ADAM23: variants seen among roughly 807,000 people sequenced by gnomAD.
ADAM23 encodes the protein ADAM metallopeptidase domain 23.
In ADAM23, 33 loss-of-function variants were observed where a neutral mutation model predicts 120.1. The ratio of observed to expected loss-of-function variants is 0.27; its 90% CI spans 0.21 to 0.37. The LOEUF (loss-of-function observed/expected upper bound fraction) is 0.37, where lower values mean the gene tolerates loss of function less well. ADAM23 is among the 10% of genes least tolerant of loss of function. The probability of loss-of-function intolerance (pLI) is 1.00; values close to 1 mark genes in which losing one functional copy is unlikely to be tolerated. For synonymous variants in ADAM23, 367 were observed against 375.2 expected, an observed-to-expected ratio of 0.98 and a Z score of 0.25; for missense variants, 862 against 1,058.2, an observed-to-expected ratio of 0.81 and a Z score of 2.57.
chr2:206,533,826 A>C (rs981527407), intron 4 of ADAM23, among the ~76,000 whole-genome samples: 2 of 152,324 alleles, frequency 1.3e-5, no homozygotes, highest in South Asian at 4.1e-4. Context: ...TAGGAGCTCG[A>C]GAGGTCCAAA....
intron 18 of ADAM23, among the ~76,000 whole-genome samples, chr2:206,586,973 G>A (rs754314734): frequency 2.0e-4 from 31 of 152,148 alleles, no homozygotes; most frequent in Non-Finnish European, 4.1e-4. Flanking sequence ...TTGTAAATTA[G>A]TTTCTTGAAT....
intron 18 of ADAM23, among the ~76,000 whole-genome samples, chr2:206,584,849 G>T (rs981101313): frequency 3.9e-5 from 6 of 152,098 alleles, no homozygotes; most frequent in Non-Finnish European, 7.4e-5. Context: ...CCACCTTCCC[G>T]TTGGATCCCT....
intron 2 of ADAM23, among the ~76,000 whole-genome samples, chr2:206,477,131 A>G (rs923457501): frequency 2.6e-5 from 4 of 152,182 alleles, no homozygotes; most frequent in Non-Finnish European, 5.9e-5. Context: ...TTGAGCATGT[A>G]TGATTGCTTA....
chr2:206,539,932 T>G (rs1377031027), intron 4 of ADAM23, among the ~76,000 whole-genome samples: 1 of 152,180 alleles, frequency 6.6e-6, no homozygotes, highest in Non-Finnish European at 1.5e-5. Flanking sequence ...ATGTTTAATA[T>G]AACTACACAA....
intron 1 of ADAM23, 37 bp from the exon 2 acceptor site, chr2:206,445,270 T>G: frequency 6.8e-7 from 1 of 1,467,610 alleles, no homozygotes; most frequent in Non-Finnish European, 9.5e-7. Flanking sequence ...TGTGTATGTT[T>G]GTATTTTCTG....
At chr2:206,606,583 C>G (rs1197586725) in intron 24 of ADAM23, 1 of 152,092 alleles carries the variant, frequency 6.6e-6, no homozygotes, top group Non-Finnish European at 1.5e-5. Context: ...TTAAAAGTAG[C>G]CAGGGTGTAA....
intron 2 of ADAM23, among the ~76,000 whole-genome samples, chr2:206,449,555 G>A (rs1392592759): frequency 6.6e-6 from 1 of 152,122 alleles, no homozygotes; most frequent in African/African-American, 2.4e-5. Context: ...ATCACCTGAG[G>A]TCAGGAGTTT....
intron 20 of ADAM23, among the ~76,000 whole-genome samples, chr2:206,588,679 TC>T (rs1698371080): frequency 3.9e-5 from 6 of 152,222 alleles, no homozygotes. Flanking sequence ...CACGTGCATA[TC>T]CTCTTCCTGA....
chr2:206,596,473 C>G, intron 24 of ADAM23, among the ~76,000 whole-genome samples: 1 of 152,202 alleles, frequency 6.6e-6, no homozygotes, highest in South Asian at 2.1e-4. Context: ...TTTTGCAGTT[C>G]GTCTAAGCTA....
chr2:206,493,808 C>T (rs1169325641), intron 3 of ADAM23, among the ~76,000 whole-genome samples: 1 of 152,192 alleles, frequency 6.6e-6, no homozygotes, highest in East Asian at 1.9e-4. Flanking sequence ...GTAGAGAGCA[C>T]ATTTCATTTC....
rs184871516 is a variant in ADAM23 at position 206,594,202 on chromosome 2, G to T, written c.2079-535G>T. On this transcript the variant is annotated intron_variant, in intron 22 of 25. Transcript: ENST00000264377. ...AAATTGACTAATGACACAATTCTTA[G>T]AATATTATCCCCATCATTAAGCTAG... 6.4e-3 allele frequency among the ~76,000 whole-genome samples: 966 copies of T among 151,408 alleles called. 7 individuals are homozygous for T. Among genetic ancestry groups the T allele is most frequent in the African/African-American group, 0.023 (933 of 40,864 alleles).
intron 25 of ADAM23, among the ~76,000 whole-genome samples, chr2:206,611,206 GTAT>G (rs1450888921): frequency 1.3e-5 from 2 of 152,078 alleles, no homozygotes; most frequent in Admixed American, 6.5e-5. Context: ...ACTTGAAATA[GTAT>G]TATAAAATTA....
At chr2:206,528,629 T>G (rs1696987842) in intron 3 of ADAM23, among the ~76,000 whole-genome samples, 1 of 152,148 alleles carries the variant, frequency 6.6e-6, no homozygotes, top group African/African-American at 2.4e-5. Context: ...TTAGAATGCA[T>G]CAGATGCAGC....
At chr2:206,494,393 T>A (rs976864776) in intron 3 of ADAM23, among the ~76,000 whole-genome samples, 19 of 152,214 alleles carry the variant, frequency 1.2e-4, no homozygotes, top group Non-Finnish European at 1.5e-5. Flanking sequence ...GTAAAGGGTT[T>A]CTTTATATGA....
At chr2:206,529,955 G>A (rs1244596841) in intron 3 of ADAM23, among the ~76,000 whole-genome samples, 1 of 152,094 alleles carries the variant, frequency 6.6e-6, no homozygotes, top group Non-Finnish European at 1.5e-5. Flanking sequence ...GCGATTACAG[G>A]TGCGTGCCAC....
chr2:206,538,885 A>G (rs1697235319), intron 4 of ADAM23, among the ~76,000 whole-genome samples: 1 of 152,168 alleles, frequency 6.6e-6, no homozygotes, highest in African/African-American at 2.4e-5. Flanking sequence ...AAGTGCTAGG[A>G]TTACAGGCAT....
intron 2 of ADAM23, among the ~76,000 whole-genome samples, chr2:206,470,593 C>G (rs1249947931): frequency 9.2e-5 from 14 of 152,100 alleles, no homozygotes; most frequent in Admixed American, 9.2e-4. Flanking sequence ...TGAAACAGGA[C>G]AGTTGTGGGC....
chr2:206,525,764 G>T (rs956170590), intron 3 of ADAM23, among the ~76,000 whole-genome samples: 4 of 151,992 alleles, frequency 2.6e-5, no homozygotes, highest in Admixed American at 2.0e-4. Context: ...GCTAATTTTT[G>T]TATTTTTAGT....
chr2:206,464,838 A>G (rs1255351103), intron 2 of ADAM23, among the ~76,000 whole-genome samples: 1 of 152,084 alleles, frequency 6.6e-6, no homozygotes, highest in Non-Finnish European at 1.5e-5. Context: ...AGGGCACAGG[A>G]CAGTCCCCTA....
Sources: gnomAD v4.1 joint callset for allele counts (sites outside exome capture counted in the v4.1 genomes callset) on GRCh38, gnomAD v4.1.1 for gene constraint, MANE v1.5 for transcripts, NCBI Gene and HGNC (gene_info 2026-07-23, HGNC 2026-07-21) for gene names.